NCAM1: variants seen among roughly 807,000 people sequenced by gnomAD.
The protein encoded by NCAM1 is antigen recognized by monoclonal antibody 5.1H11.
A neutral mutation model predicts 109.8 loss-of-function variants in NCAM1; 14 were observed. The ratio of observed to expected loss-of-function variants is 0.13; its 90% CI spans 0.08 to 0.20. The LOEUF is 0.20. Among genes scored for constraint, NCAM1 ranks in the 10% least tolerant of loss-of-function variants. NCAM1 has a pLI of 1.00. For synonymous variants in NCAM1, 418 were observed against 442.9 expected (o/e 0.94, Z 0.70); for missense variants, 774 against 1,109.9 (o/e 0.70, Z 4.30).
At chr11:113,058,177 A>T (rs1238722719) in intron 1 of NCAM1, among the ~76,000 whole-genome samples, 1 of 152,064 alleles carries the variant, frequency 6.6e-6, no homozygotes, top group Admixed American at 6.6e-5. Context: ...CCAGCTACTC[A>T]GGAGACTGAC....
At chr11:113,238,203 A>C (rs913679583) in intron 14 of NCAM1, among the ~76,000 whole-genome samples, 7 of 152,132 alleles carry the variant, frequency 4.6e-5, no homozygotes, top group Non-Finnish European at 1.0e-4. Flanking sequence ...TGAATGGTAC[A>C]ACAACAGGCA....
intron 1 of NCAM1, among the ~76,000 whole-genome samples, chr11:113,022,197 C>G (rs1555076372): frequency 6.6e-6 from 1 of 152,154 alleles, no homozygotes; most frequent in East Asian, 1.9e-4. Flanking sequence ...ATACAAACAC[C>G]TCGTTTGGGG....
chr11:113,263,310 C>G (rs151301377), intron 17 of NCAM1: 280 of 1,009,826 alleles, frequency 2.8e-4, no homozygotes, highest in Non-Finnish European at 3.1e-4. Context: ...CCTTCTAAAG[C>G]TTGTGTCAGA....
At chr11:113,231,250 G>A (rs997525838) in intron 9 of NCAM1, 10 of 1,536,124 alleles carry the variant, frequency 6.5e-6, no homozygotes, top group Middle Eastern at 1.7e-4. Flanking sequence ...GGCTGGCAGT[G>A]CAGGTTTCCC....
chr11:113,082,789 C>T (rs1555087502), intron 1 of NCAM1, among the ~76,000 whole-genome samples: 2 of 151,738 alleles, frequency 1.3e-5, no homozygotes, highest in Admixed American at 6.6e-5. Context: ...TATTCAGCAA[C>T]CGTGAGTATC....
chr11:113,232,921 G>A, intron 12 of NCAM1, 107 bp downstream of exon 12: 1 of 1,140,660 alleles, frequency 8.8e-7, no homozygotes, highest in Admixed American at 2.0e-5. Flanking sequence ...AAGAAGAAAG[G>A]GCCAGGGTCA....
chr11:113,165,874 G>A (rs560117360), intron 1 of NCAM1, among the ~76,000 whole-genome samples: 16 of 151,430 alleles, frequency 1.1e-4, no homozygotes, highest in East Asian at 5.9e-4. Flanking sequence ...GTGCAGTGGC[G>A]TGATCTCGGC....
intron 3 of NCAM1, among the ~76,000 whole-genome samples, chr11:113,204,707 C>T (rs984870552): frequency 1.3e-5 from 2 of 152,160 alleles, no homozygotes; most frequent in Admixed American, 6.5e-5. Flanking sequence ...CCCCCACAGG[C>T]GTTCATTCTC....
At chr11:113,095,256 C>G (rs547786004) in intron 1 of NCAM1, among the ~76,000 whole-genome samples, 1 of 152,098 alleles carries the variant, frequency 6.6e-6, no homozygotes, top group Admixed American at 6.6e-5. Context: ...AAACAAATGA[C>G]GACATTCTCA....
chr11:113,231,641 G>T lies in NCAM1; in HGVS notation c.1090-4G>T. On this transcript the variant is annotated splice_polypyrimidine_tract_variant and splice_region_variant and intron_variant, in intron 9 of 19. Coordinates refer to ENST00000316851, the MANE Select transcript of NCAM1 (RefSeq NM_181351.5). ...CATGCTCCCTTCCCCCCCACCCCCG[G>T]CAGACTCTGGATGGGCACATGGTGG... 6.2e-7 allele frequency: 1 copy of T among 1,612,666 alleles called. No homozygotes were observed. The highest frequency in any genetic ancestry group is 8.5e-7 in the Non-Finnish European group (1 of 1,179,262).
intron 1 of NCAM1, among the ~76,000 whole-genome samples, chr11:112,966,360 C>T (rs912631797): frequency 6.6e-6 from 1 of 152,210 alleles, no homozygotes; most frequent in Admixed American, 6.5e-5. Context: ...TACTCAGTGA[C>T]TCTGAGCAAT....
intron 1 of NCAM1, among the ~76,000 whole-genome samples, chr11:113,194,355 C>T (rs895502534): frequency 5.9e-5 from 9 of 152,302 alleles, no homozygotes; most frequent in South Asian, 2.1e-4. Flanking sequence ...TCCATCCTTT[C>T]CCCCTTCACT....
At chr11:113,113,152 A>G (rs1245088) in intron 1 of NCAM1, among the ~76,000 whole-genome samples, 5,269 of 152,236 alleles carry the variant, frequency 0.035, 145 homozygotes, top group East Asian at 0.084. Flanking sequence ...TAAATAAAAT[A>G]AAGTCTGCAT....
intron 1 of NCAM1, among the ~76,000 whole-genome samples, chr11:113,000,847 T>TAC (rs1555072308): frequency 7.0e-5 from 8 of 113,590 alleles, no homozygotes; most frequent in Middle Eastern, 9.8e-3. Flanking sequence ...TATATATATA[T>TAC]ACACAAAAAA....
chr11:113,047,861 C>G (rs1953326041), intron 1 of NCAM1, among the ~76,000 whole-genome samples: 1 of 152,074 alleles, frequency 6.6e-6, no homozygotes, highest in South Asian at 2.1e-4. Context: ...AAGACCTGCC[C>G]CCATGATTAA....
At chr11:112,974,651 A>G (rs1555067377) in intron 1 of NCAM1, among the ~76,000 whole-genome samples, 2 of 151,948 alleles carry the variant, frequency 1.3e-5, no homozygotes, top group Non-Finnish European at 2.9e-5. Context: ...TAATTCTCCT[A>G]TTTTCAGTAG....
chr11:113,004,201 A>ATGTT (rs1951831250), intron 1 of NCAM1, among the ~76,000 whole-genome samples: 1 of 152,192 alleles, frequency 6.6e-6, no homozygotes, highest in South Asian at 2.1e-4. Flanking sequence ...ACACTTAAAA[A>ATGTT]TGTTTTCTTG....
At chr11:113,006,413 CT>C (rs1455475991) in intron 1 of NCAM1, among the ~76,000 whole-genome samples, 2 of 152,214 alleles carry the variant, frequency 1.3e-5, no homozygotes, top group Non-Finnish European at 1.5e-5. Context: ...ATTTTAATCA[CT>C]GTCTTGGACA....
At chr11:113,056,606 TGGGGGA>T (rs1953722477) in intron 1 of NCAM1, among the ~76,000 whole-genome samples, 1 of 152,130 alleles carries the variant, frequency 6.6e-6, no homozygotes, top group Admixed American at 6.6e-5. Context: ...GGTAAGGAAC[TGGGGGA>T]GGCATCCAGC....
Sources: gnomAD v4.1 joint callset for allele counts (sites outside exome capture counted in the v4.1 genomes callset) on GRCh38, gnomAD v4.1.1 for gene constraint, MANE v1.5 for transcripts, NCBI Gene and HGNC (gene_info 2026-07-23, HGNC 2026-07-21) for gene names.